The following SLC24A2 variants were observed in gnomAD, a reference collection of about 807,000 sequenced individuals.
SLC24A2 encodes sodium/potassium/calcium exchanger 2.
SLC24A2 carries 36 observed loss-of-function variants against 62.0 expected under a neutral mutation model. That is an observed-to-expected ratio of 0.58 (90% CI 0.44 to 0.77). The LOEUF (loss-of-function observed/expected upper bound fraction) is 0.77. SLC24A2 is among the 30% of genes least tolerant of loss of function. The pLI, the probability that SLC24A2 is intolerant of heterozygous loss-of-function variation, is 0.00. For missense variants in SLC24A2, 846 were observed against 817.9 expected, an observed-to-expected ratio of 1.03 and a Z score of -0.42; for synonymous variants, 358 against 294.0, an observed-to-expected ratio of 1.22 and a Z score of -2.23.
At chr9:20,135,280 A>G in the SLC24A2 span, among the ~76,000 whole-genome samples, 1 of 151,924 alleles carries the variant, frequency 6.6e-6, no homozygotes, top group Admixed American at 6.5e-5. Context: ...TTTATTTTTT[A>G]AATTTAATTT....
chr9:20,073,889 TACAC>T, the SLC24A2 span, among the ~76,000 whole-genome samples: 1 of 58,904 alleles, frequency 1.7e-5, no homozygotes, highest in Non-Finnish European at 3.6e-5. Context: ...TATATATATA[TACAC>T]ACATATATAT....
intron 2 of SLC24A2, among the ~76,000 whole-genome samples, chr9:19,722,568 T>C (rs528582825): frequency 9.9e-5 from 15 of 151,892 alleles, no homozygotes; most frequent in African/African-American, 3.6e-4. Flanking sequence ...GGGGTATTTA[T>C]CGAAAAGAAC....
At chr9:19,707,191 C>T (rs1820556422) in intron 2 of SLC24A2, among the ~76,000 whole-genome samples, 1 of 151,782 alleles carries the variant, frequency 6.6e-6, no homozygotes, top group Admixed American at 6.6e-5. Context: ...ATACACCCTC[C>T]CAAGACTAAA....
Position 19,564,061 on chromosome 9 carries a change from G to A in SLC24A2, c.1347+9290C>T, listed in dbSNP as rs553912276. 1.5e-4 allele frequency among the ~76,000 whole-genome samples: 23 copies of A among 151,898 alleles called. No homozygotes were observed. In the East Asian group the frequency reaches 2.9e-3, roughly 19 times the overall value. Reference sequence around the variant, plus strand: ...GTAGAGAGAGTGTTTTTGTGATGTTGCCCAGGCTAGTCTCAAACTCCTGAG... The same window carrying A: ...GTAGAGAGAGTGTTTTTGTGATGTTACCCAGGCTAGTCTCAAACTCCTGAG... On this transcript the variant is annotated intron_variant, in intron 7 of 10. Coordinates refer to ENST00000341998, the MANE Select transcript of SLC24A2 (RefSeq NM_020344.4).
the SLC24A2 span, among the ~76,000 whole-genome samples, chr9:19,941,590 T>TGTGAGTGTGAGA: frequency 2.3e-5 from 3 of 127,916 alleles, no homozygotes; most frequent in Non-Finnish European, 5.0e-5. Context: ...TGTGTGTGTG[T>TGTGAGTGTGAGA]GAGAGAGAGA....
chr9:19,847,060 T>C, the SLC24A2 span, among the ~76,000 whole-genome samples: 1 of 152,204 alleles, frequency 6.6e-6, no homozygotes, highest in African/African-American at 2.4e-5. Flanking sequence ...TCTGTTCATA[T>C]AATTTTTAGG....
chr9:20,280,641 G>T, the SLC24A2 span, among the ~76,000 whole-genome samples: 85 of 152,304 alleles, frequency 5.6e-4, 1 homozygote, highest in African/African-American at 1.9e-3. Flanking sequence ...CCTGTACTAG[G>T]TCAAATTGTG....
At chr9:20,034,793 A>G in the SLC24A2 span, among the ~76,000 whole-genome samples, 2 of 152,184 alleles carry the variant, frequency 1.3e-5, no homozygotes, top group African/African-American at 4.8e-5. Flanking sequence ...AAGAACCAGT[A>G]GATACTGTTT....
the SLC24A2 span, among the ~76,000 whole-genome samples, chr9:20,131,582 C>T: frequency 2.0e-5 from 3 of 152,110 alleles, no homozygotes; most frequent in African/African-American, 7.2e-5. Context: ...CAGGAGCTTT[C>T]CTGTGATGAG....
intron 2 of SLC24A2, among the ~76,000 whole-genome samples, chr9:19,785,023 T>C (rs914272166): frequency 2.6e-5 from 4 of 152,232 alleles, no homozygotes; most frequent in Non-Finnish European, 5.9e-5. Flanking sequence ...AAAGTCTATG[T>C]AGGTATTTTG....
At chr9:20,179,291 T>G in the SLC24A2 span, among the ~76,000 whole-genome samples, 1 of 152,154 alleles carries the variant, frequency 6.6e-6, no homozygotes, top group Non-Finnish European at 1.5e-5. Context: ...GCAAGGGTTC[T>G]GAGGTAGTGC....
At chr9:19,529,760 T>C (rs1833612450) in intron 8 of SLC24A2, among the ~76,000 whole-genome samples, 1 of 151,694 alleles carries the variant, frequency 6.6e-6, no homozygotes, top group Non-Finnish European at 1.5e-5. Context: ...CGTTTTTTTT[T>C]TTTTTTTTAA....
chr9:20,166,099 G>T, the SLC24A2 span, among the ~76,000 whole-genome samples: 2 of 151,848 alleles, frequency 1.3e-5, no homozygotes, highest in Non-Finnish European at 2.9e-5. Context: ...TCACCCATCA[G>T]ATTGGCAAAA....
chr9:19,962,419 T>G, the SLC24A2 span, among the ~76,000 whole-genome samples: 2 of 152,340 alleles, frequency 1.3e-5, no homozygotes, highest in African/African-American at 4.8e-5. Flanking sequence ...GGTAGCCTGA[T>G]GGGGATGGCA....
chr9:19,695,826 T>C (rs1481581045), intron 2 of SLC24A2, among the ~76,000 whole-genome samples: 1 of 151,944 alleles, frequency 6.6e-6, no homozygotes, highest in Admixed American at 6.6e-5. Context: ...TCAATACAGA[T>C]ACACTTCATA....
At chr9:19,965,296 A>G in the SLC24A2 span, among the ~76,000 whole-genome samples, 1 of 152,166 alleles carries the variant, frequency 6.6e-6, no homozygotes, top group Admixed American at 6.6e-5. Context: ...GTGCTGAAGC[A>G]GGGTCCTGGA....
intron 4 of SLC24A2, among the ~76,000 whole-genome samples, chr9:19,616,554 T>C (rs527397691): frequency 1.3e-5 from 2 of 152,330 alleles, no homozygotes; most frequent in Admixed American, 6.5e-5. Context: ...GTAGATAAAA[T>C]TGTTCCTTTC....
chr9:20,264,608 A>G, the SLC24A2 span, among the ~76,000 whole-genome samples: 2 of 152,194 alleles, frequency 1.3e-5, no homozygotes, highest in Admixed American at 6.5e-5. Context: ...AGACAATCTC[A>G]GTTTTGGGTT....
At chr9:20,186,807 G>A in the SLC24A2 span, among the ~76,000 whole-genome samples, 3 of 152,058 alleles carry the variant, frequency 2.0e-5, no homozygotes, top group Admixed American at 1.3e-4. Context: ...TTTAATCAAC[G>A]AGAGACATTT....
Sources: allele counts gnomAD v4.1 joint callset (sites outside exome capture counted in the v4.1 genomes callset), GRCh38; gene constraint gnomAD v4.1.1; transcripts MANE v1.5; gene names NCBI Gene and HGNC (gene_info 2026-07-23, HGNC 2026-07-21).